CHST6: variants seen among roughly 807,000 people sequenced by gnomAD.
The protein encoded by CHST6 is carbohydrate sulfotransferase 6, also known as N-acetylglucosamine 6-O-sulfotransferase 5.
For missense variants in CHST6, 698 were observed against 586.2 expected, an observed-to-expected ratio of 1.19 and a Z score of -1.97; for synonymous variants, 309 against 276.4, an observed-to-expected ratio of 1.12 and a Z score of -1.17.
intron 1 of CHST6, among the ~76,000 whole-genome samples, chr16:75,491,555 A>G (rs1027146167): frequency 3.3e-5 from 5 of 151,952 alleles, no homozygotes; most frequent in Non-Finnish European, 4.4e-5. Flanking sequence ...ATTTTTTAGT[A>G]GAGACCGGGT....
intron 1 of CHST6, among the ~76,000 whole-genome samples, chr16:75,489,953 G>T (rs2080238327): frequency 6.6e-6 from 1 of 151,894 alleles, no homozygotes; most frequent in Non-Finnish European, 1.5e-5. Context: ...GAGGTGTGTG[G>T]ATCACCTGAG....
At chr16:75,487,603 T>C (rs1597481629) in intron 1 of CHST6, among the ~76,000 whole-genome samples, 1 of 151,818 alleles carries the variant, frequency 6.6e-6, no homozygotes, top group East Asian at 1.9e-4. Context: ...ATCGACATCT[T>C]CTTGGCTAAC....
rs1441947879 is a variant in CHST6, at chr16:75,478,763, G to C, written c.1066C>G (p.Leu356Val). The change falls in exon 3 of 3, where the codon CTG becomes GTG. Residue 356 changes from leucine to valine, a missense_variant. Leu to Val is a conservative substitution (Grantham distance 32, BLOSUM62 1). Coordinates refer to ENST00000332272, the MANE Select transcript of CHST6 (RefSeq NM_021615.5). ...TCAGAGTACACAGGCCGGTAGCCCA[G>C]CAGCTGCAGCGCACCAGCGCACAGT... ...QELCAGALQLLGYRPVYSEDE... is the reference protein window; with the variant it reads ...QELCAGALQLVGYRPVYSEDE... The C allele has an allele frequency of 1.2e-6, 2 of 1,613,388 alleles. No individual in the cohort carries two copies. The highest frequency in any genetic ancestry group is 2.2e-5 in the East Asian group (1 of 44,900).
intron 2 of CHST6, among the ~76,000 whole-genome samples, chr16:75,480,973 G>A (rs1401856503): frequency 1.3e-5 from 2 of 149,946 alleles, no homozygotes; most frequent in East Asian, 3.9e-4. Flanking sequence ...AAGCAAATAG[G>A]CAGGATGCGA....
At position 75,479,556 on chromosome 16, in the gene CHST6, A is replaced by G. The variant is rs2080113053; in HGVS notation, c.273T>C (p.Ala91=). ...SQGSAATLHM[A]VRDLVRSVFL... ...AGACGGAGCGCACCAGGTCGCGCAC[A>G]GCCATGTGCAGCGTTGCGGCGCTGC... is the stretch of plus-strand genomic sequence containing the variant. The change falls in exon 3 of 3, where the codon GCT becomes GCC. Residue 91 remains alanine, a synonymous_variant. Transcript: ENST00000332272. 1.9e-6 allele frequency: 3 copies of G among 1,612,848 alleles called. No homozygotes were observed. Among genetic ancestry groups the G allele is most frequent in the Non-Finnish European group, 2.5e-6 (3 of 1,179,838 alleles).
Position 75,478,955 on chromosome 16 carries a change from C to T in CHST6, c.874G>A (p.Gly292Arg). 1.9e-6 allele frequency: 3 copies of T among 1,613,104 alleles called. No individual in the cohort carries two copies. Among genetic ancestry groups the T allele is most frequent in the South Asian group, 2.2e-5 (2 of 91,092 alleles). ...TCGAGCTGTGGCGTGAGACTGAGCC[C>T]AGTGAAGGCGTAGAGCGCACGGATT... ...AEIRALYAFT[G>R]LSLTPQLEAW... Residue 292 changes from glycine (G) to arginine (R), a missense_variant, in exon 3 of 3, where the codon GGG becomes AGG. Coordinates refer to ENST00000332272, the MANE Select transcript of CHST6 (RefSeq NM_021615.5).
At chr16:75,483,373 GTCT>G (rs879875775) in intron 1 of CHST6, among the ~76,000 whole-genome samples, 64 of 152,322 alleles carry the variant, frequency 4.2e-4, no homozygotes, top group Admixed American at 4.1e-3. Context: ...GAAGCCAGAG[GTCT>G]TCTTAAGTGA....
At chr16:75,491,749 G>C (rs1349755002) in intron 1 of CHST6, among the ~76,000 whole-genome samples, 4 of 152,212 alleles carry the variant, frequency 2.6e-5, no homozygotes. Flanking sequence ...GATAAAATCA[G>C]AAATTTCTAG....
At chr16:75,482,035 C>G in intron 1 of CHST6, 144 bp from the exon 2 acceptor site, 1 of 362,180 alleles carries the variant, frequency 2.8e-6, no homozygotes. Context: ...GATGCTGCTG[C>G]AAACACCTAT....
Position 75,478,455 on chromosome 16 carries a change from G to C in CHST6, c.*186C>G. On this transcript the variant is annotated 3_prime_UTR_variant, in exon 3 of 3. Coordinates refer to ENST00000332272, the MANE Select transcript of CHST6 (RefSeq NM_021615.5). The stretch of plus-strand genomic sequence containing the variant: ...ACCTGATGAGAAGGCAGCTCCAGAG[G>C]ACTCAAAGGAAAACCAAGAATCAAG... 1 of 640,094 alleles carries C rather than the reference G, an allele frequency of 1.6e-6. No homozygotes were observed. Among genetic ancestry groups the C allele is most frequent in the Non-Finnish European group, 2.8e-6 (1 of 362,936 alleles). 39.7% of individuals were successfully genotyped at this position (640,094 alleles called of 1,614,324 possible).
At chr16:75,480,145 C>G (rs1188364258) in intron 2 of CHST6, among the ~76,000 whole-genome samples, 1 of 152,088 alleles carries the variant, frequency 6.6e-6, no homozygotes, top group East Asian at 1.9e-4. Flanking sequence ...TTCTACCTAC[C>G]CACATTACCA....
Position 75,478,657 on chromosome 16 carries a change from G to A in CHST6, c.1172C>T (p.Ser391Leu). The A allele has an allele frequency of 1.2e-6, 2 of 1,613,640 alleles. No individual in the cohort carries two copies. ...TGGCCTCCACTAATTTCGGGGGTGC[G>A]AGGCGGTGGATGATGCCCAAGTGAA... ...NGFTWASSTA[S>L]HPRN Residue 391 changes from serine (S) to leucine (L), a missense_variant, in exon 3 of 3, where the codon TCG becomes TTG. Ser to Leu is a moderately radical substitution (Grantham distance 145). Transcript: ENST00000332272.
intron 1 of CHST6, among the ~76,000 whole-genome samples, chr16:75,491,850 G>A (rs1453831230): frequency 6.6e-6 from 1 of 152,180 alleles, no homozygotes; most frequent in Non-Finnish European, 1.5e-5. Context: ...CAGCTGACCT[G>A]AGTACCCAGT....
At chr16:75,484,801 G>A (rs776274582) in intron 1 of CHST6, among the ~76,000 whole-genome samples, 13 of 151,348 alleles carry the variant, frequency 8.6e-5, no homozygotes, top group African/African-American at 1.5e-4. Context: ...CTGAGATTGC[G>A]CCACTGTACT....
chr16:75,491,441 C>T (rs747626227), intron 1 of CHST6, among the ~76,000 whole-genome samples: 1 of 151,752 alleles, frequency 6.6e-6, no homozygotes, highest in African/African-American at 2.4e-5. Context: ...ACGATCTCGG[C>T]TTACTGCAAA....
chr16:75,490,825 T>A (rs2151673331), intron 1 of CHST6: 1 of 152,222 alleles, frequency 6.6e-6, no homozygotes, highest in Admixed American at 6.5e-5. Flanking sequence ...GCAGCATTAT[T>A]CGTAATAGCC....
At position 75,473,355 on chromosome 16, in the gene CHST6, T is replaced by A. The variant is rs9923834; in HGVS notation, c.*5286A>T. On this transcript the variant is annotated 3_prime_UTR_variant, in exon 3 of 3. Transcript: ENST00000332272. Reference sequence around the variant, plus strand: ...AGCTGGCTGGTCTAGGATGGCCTGGTTTGGGACCCCTGAACTCTCCTTCTC... The same window carrying A: ...AGCTGGCTGGTCTAGGATGGCCTGGATTGGGACCCCTGAACTCTCCTTCTC... The A allele has an allele frequency of 0.83, 125,569 of 151,986 alleles. 52,022 individuals carry two copies. Among genetic ancestry groups the A allele is most frequent in the Middle Eastern group, 0.91 (267 of 294 alleles). 9.4% of individuals were successfully genotyped at this position (151,986 alleles called of 1,614,324 possible).
At position 75,477,734 on chromosome 16, in the gene CHST6, A is replaced by AC. The variant is rs1407581711; in HGVS notation, c.*906dup. The AC allele has an allele frequency of 5.2e-5, 8 of 152,408 alleles. No individual in the cohort carries two copies. Among genetic ancestry groups the AC allele is most frequent in the African/African-American group, 1.7e-4 (7 of 41,454 alleles). The allele number at this position is 152,408 out of a possible 1,614,324, so 9.4% of individuals were successfully genotyped here. On this transcript the variant is annotated 3_prime_UTR_variant, in exon 3 of 3. Coordinates refer to ENST00000332272, the MANE Select transcript of CHST6 (RefSeq NM_021615.5). ...TCCTCTGCTTTCCTCCAAGGCCTGGACCAGAAGGACCAAGGGAAGACAGTT... is the reference window on the plus strand; with the variant it reads ...TCCTCTGCTTTCCTCCAAGGCCTGGACCCAGAAGGACCAAGGGAAGACAGTT...
chr16:75,487,997 A>AAAAC (rs575138576), intron 1 of CHST6, among the ~76,000 whole-genome samples: 8 of 152,096 alleles, frequency 5.3e-5, no homozygotes, highest in Middle Eastern at 3.4e-3. Context: ...TCCACCTCAA[A>AAAAC]AAACAAACAA....
Sources: gnomAD v4.1 joint callset for allele counts (sites outside exome capture counted in the v4.1 genomes callset) on GRCh38, gnomAD v4.1.1 for gene constraint, MANE v1.5 for transcripts, NCBI Gene and HGNC (gene_info 2026-07-23, HGNC 2026-07-21) for gene names.